STARD3NL: variants seen among roughly 807,000 people sequenced by gnomAD.
The protein encoded by STARD3NL is STARD3 N-terminal-like protein.
In STARD3NL, 17 loss-of-function variants were observed where a neutral mutation model predicts 30.9. The ratio of observed to expected loss-of-function variants is 0.55; its 90% CI spans 0.38 to 0.82. The LOEUF (loss-of-function observed/expected upper bound fraction) is 0.82. Among genes scored for constraint, STARD3NL ranks in the 40% least tolerant of loss-of-function variants. The pLI is 0.00. For missense variants in STARD3NL, 234 were observed against 277.6 expected (o/e 0.84, Z 1.12); for synonymous variants, 112 against 100.5 (o/e 1.11, Z -0.69).
intron 1 of STARD3NL, among the ~76,000 whole-genome samples, chr7:38,184,924 T>G (rs1784400434): frequency 6.6e-6 from 1 of 151,628 alleles, no homozygotes; most frequent in Non-Finnish European, 1.5e-5. Flanking sequence ...TTTTCAAGAA[T>G]GCTGCTAGTT....
intron 1 of STARD3NL, among the ~76,000 whole-genome samples, chr7:38,199,619 C>T (rs1785080933): frequency 6.6e-6 from 1 of 152,078 alleles, no homozygotes; most frequent in Admixed American, 6.6e-5. Flanking sequence ...CATCTGACTG[C>T]CTGGAGGTTG....
At chr7:38,196,404 A>AG (rs2116074722) in intron 1 of STARD3NL, among the ~76,000 whole-genome samples, 1 of 152,018 alleles carries the variant, frequency 6.6e-6, no homozygotes, top group East Asian at 1.9e-4. Context: ...TGTTTCTTTG[A>AG]GGATATAGCA....
intron 1 of STARD3NL, among the ~76,000 whole-genome samples, chr7:38,203,221 G>C (rs1214249187): frequency 6.6e-6 from 1 of 152,084 alleles, no homozygotes; most frequent in Non-Finnish European, 1.5e-5. Context: ...AAGTGTTAAG[G>C]GCAGCCAGAG....
intron 2 of STARD3NL, among the ~76,000 whole-genome samples, chr7:38,209,670 C>T (rs954219349): frequency 6.6e-6 from 1 of 152,186 alleles, no homozygotes; most frequent in Non-Finnish European, 1.5e-5. Context: ...CAAGTCCGGG[C>T]ATTCATTGCT....
At position 38,228,780 on chromosome 7, in the gene STARD3NL, C is replaced by T; in HGVS notation, c.650-19C>T. ...ATGGAATGAAATACTTTTTCTTTGT[C>T]CCCTTCTCCACCACGTAGGATCTGA... is the stretch of plus-strand genomic sequence containing the variant. On this transcript the variant is annotated intron_variant, in intron 7 of 8. Coordinates refer to ENST00000009041, the MANE Select transcript of STARD3NL (RefSeq NM_032016.4). 6.2e-7 allele frequency: 1 copy of T among 1,603,374 alleles called. No homozygotes were observed. Among genetic ancestry groups the T allele is most frequent in the Non-Finnish European group, 8.5e-7 (1 of 1,174,122 alleles).
intron 3 of STARD3NL, among the ~76,000 whole-genome samples, 198 bp from the exon 4 acceptor site, chr7:38,214,830 A>C (rs1786008777): frequency 6.6e-6 from 1 of 152,084 alleles, no homozygotes. Flanking sequence ...TCATAATGGG[A>C]GATTAATGTG....
chr7:38,202,599 G>A (rs1785236513), intron 1 of STARD3NL, among the ~76,000 whole-genome samples: 1 of 151,710 alleles, frequency 6.6e-6, no homozygotes, highest in East Asian at 1.9e-4. Context: ...TATACTTTAA[G>A]TTTTAGGATA....
At chr7:38,189,271 G>T (rs771173298) in intron 1 of STARD3NL, among the ~76,000 whole-genome samples, 16 of 152,146 alleles carry the variant, frequency 1.1e-4, no homozygotes, top group Admixed American at 2.6e-4. Flanking sequence ...TAAAGATTAA[G>T]AATAACACCG....
rs536293907 is a variant in STARD3NL, at chr7:38,197,043, T to C, written c.-58-10404T>C. Among the ~76,000 whole-genome samples, 9 of 152,252 alleles carry C rather than the reference T, an allele frequency of 5.9e-5. No homozygotes were observed. The East Asian group carries it at 7.7e-4, about 13-fold the overall frequency. ...GGTGAAGCTTCTCAGACTCAGGAGG[T>C]TGGAGTGTCACACACATGCATCAGC... is the stretch of plus-strand genomic sequence containing the variant. On this transcript the variant is annotated intron_variant, in intron 1 of 8. Coordinates refer to ENST00000009041, the MANE Select transcript of STARD3NL (RefSeq NM_032016.4).
intron 1 of STARD3NL, among the ~76,000 whole-genome samples, chr7:38,190,786 ATT>A (rs1398351340): frequency 1.3e-5 from 2 of 151,816 alleles, no homozygotes; most frequent in Admixed American, 6.6e-5. Flanking sequence ...TATCCTTTTT[ATT>A]TTTGTTTTTC....
intron 6 of STARD3NL, among the ~76,000 whole-genome samples, chr7:38,217,814 A>G (rs186464039): frequency 6.6e-6 from 1 of 152,274 alleles, no homozygotes; most frequent in East Asian, 1.9e-4. Context: ...CCTCTGTTAG[A>G]ACAGTTAAAT....
intron 1 of STARD3NL, among the ~76,000 whole-genome samples, chr7:38,181,552 A>G (rs1003140920): frequency 2.0e-5 from 3 of 152,188 alleles, no homozygotes; most frequent in Non-Finnish European, 2.9e-5. Context: ...TAAATAGCTT[A>G]ATTTACTTTC....
chr7:38,222,581 A>G (rs2116409987), intron 7 of STARD3NL, among the ~76,000 whole-genome samples: 1 of 152,340 alleles, frequency 6.6e-6, no homozygotes, highest in Non-Finnish European at 1.5e-5. Context: ...TTCAGAACAT[A>G]GAATAGTAGT....
chr7:38,198,213 G>A (rs1785013628), intron 1 of STARD3NL: 1 of 152,182 alleles, frequency 6.6e-6, no homozygotes, highest in Non-Finnish European at 1.5e-5. Flanking sequence ...TCTCTTAGAT[G>A]GATCCATGTA....
intron 1 of STARD3NL, among the ~76,000 whole-genome samples, chr7:38,186,948 A>T (rs1477215144): frequency 6.6e-6 from 1 of 152,146 alleles, no homozygotes; most frequent in Non-Finnish European, 1.5e-5. Context: ...AAAAGGTTGG[A>T]GACAATAGAA....
chr7:38,181,826 G>T (rs1236225808), intron 1 of STARD3NL, among the ~76,000 whole-genome samples: 2 of 152,030 alleles, frequency 1.3e-5, no homozygotes, highest in Admixed American at 6.6e-5. Flanking sequence ...TGAGCCTAGT[G>T]CCCCAAATTG....
chr7:38,207,068 C>T (rs1785527333), intron 1 of STARD3NL, among the ~76,000 whole-genome samples: 1 of 152,152 alleles, frequency 6.6e-6, no homozygotes, highest in African/African-American at 2.4e-5. Context: ...TTTTCTAGCC[C>T]ATGCACAGTT....
At chr7:38,205,664 T>G (rs1785422502) in intron 1 of STARD3NL, among the ~76,000 whole-genome samples, 1 of 152,202 alleles carries the variant, frequency 6.6e-6, no homozygotes, top group Non-Finnish European at 1.5e-5. Flanking sequence ...TGTATACATG[T>G]ATATACTATA....
At chr7:38,223,501 T>C (rs1345864566) in intron 7 of STARD3NL, among the ~76,000 whole-genome samples, 1 of 152,192 alleles carries the variant, frequency 6.6e-6, no homozygotes, top group East Asian at 1.9e-4. Flanking sequence ...TTGCATAATA[T>C]AGCCTGTCCT....
Sources: allele counts gnomAD v4.1 joint callset (sites outside exome capture counted in the v4.1 genomes callset), GRCh38; gene constraint gnomAD v4.1.1; transcripts MANE v1.5; gene names NCBI Gene and HGNC (gene_info 2026-07-23, HGNC 2026-07-21).